MTMR8: variants seen among roughly 807,000 people sequenced by gnomAD.
The protein encoded by MTMR8 is phosphatidylinositol-3,5-bisphosphate 3-phosphatase MTMR8.
Under a neutral mutation model 39.3 loss-of-function variants are expected in MTMR8, and 65 were observed. That is an observed-to-expected ratio of 1.65 (90% CI 1.35 to 2.03). The LOEUF is 2.03. Ranked by LOEUF, MTMR8 falls within the 30% of genes most tolerant of loss-of-function variation. The probability of loss-of-function intolerance (pLI) is 0.00; values close to 1 mark genes in which losing one functional copy is unlikely to be tolerated. For missense variants in MTMR8, 777 were observed against 538.9 expected (o/e 1.44, Z -4.37); for synonymous variants, 245 against 185.2 (o/e 1.32, Z -2.62).
At position 64,268,877 on chromosome X, in the gene MTMR8, C is replaced by G; in HGVS notation, c.1775G>C (p.Gly592Ala). ...LMENGTLSRE[G>A]GLRAQMDQVK... Reference sequence around the variant, plus strand: ...TTGATCCATCTGAGCTCGGAGGCCTCCTTCCCTGGATAGGGTGCCATTCTC... The same window carrying G: ...TTGATCCATCTGAGCTCGGAGGCCTGCTTCCCTGGATAGGGTGCCATTCTC... Residue 592 changes from glycine to alanine, a missense_variant, in exon 14 of 14, where the codon GGA becomes GCA. Gly to Ala is a moderately conservative substitution (Grantham distance 60). Transcript: ENST00000374852. 2 of 1,211,696 alleles carry G rather than the reference C, an allele frequency of 1.7e-6. No homozygotes were observed. The highest frequency in any genetic ancestry group is 2.2e-6 in the Non-Finnish European group (2 of 895,512).
chrX:64,330,875 TA>T (rs2147221053), intron 11 of MTMR8, among the ~76,000 whole-genome samples: 1 of 111,645 alleles, frequency 9.0e-6, no homozygotes, highest in East Asian at 2.8e-4. Flanking sequence ...CATCCTAAAA[TA>T]ACTGGATTTT....
chrX:64,322,659 G>A (rs929100622), intron 12 of MTMR8, among the ~76,000 whole-genome samples: 2 of 112,313 alleles, frequency 1.8e-5, no homozygotes, highest in Admixed American at 1.9e-4. Context: ...CAGCTAGCAT[G>A]TATCCTGCTC....
At chrX:64,307,971 AAT>A (rs1922173939) in intron 12 of MTMR8, among the ~76,000 whole-genome samples, 1 of 111,611 alleles carries the variant, frequency 9.0e-6, no homozygotes, top group African/African-American at 3.3e-5. Context: ...TTTTTATTTC[AAT>A]GTCTGTATGT....
intron 1 of MTMR8, among the ~76,000 whole-genome samples, chrX:64,367,889 G>T (rs1265108277): frequency 8.9e-6 from 1 of 112,026 alleles, no homozygotes; most frequent in South Asian, 3.7e-4. Context: ...ATCTCATTAA[G>T]CTGATAGGCA....
intron 6 of MTMR8, among the ~76,000 whole-genome samples, chrX:64,348,012 T>C (rs906282650): frequency 8.9e-6 from 1 of 112,162 alleles, no homozygotes; most frequent in Non-Finnish European, 1.9e-5. Flanking sequence ...GGTCTATCCA[T>C]GTCCACTGCC....
chrX:64,323,980 A>G (rs1292731148), intron 12 of MTMR8, among the ~76,000 whole-genome samples: 1 of 112,929 alleles, frequency 8.9e-6, no homozygotes, highest in Non-Finnish European at 1.9e-5. Flanking sequence ...TCACAAATAA[A>G]AACCTAACAA....
rs1923704817 is a variant in MTMR8, at chrX:64,359,030, A to G, written c.147+375T>C. 6.3e-5 allele frequency among the ~76,000 whole-genome samples: 7 copies of G among 111,316 alleles called. No homozygotes were observed. The South Asian group carries it at 2.6e-3, about 42-fold the overall frequency. On this transcript the variant is annotated intron_variant, in intron 2 of 13. Transcript: ENST00000374852. Reference sequence around the variant, plus strand: ...CTTAGGCTTGAGATTTTGCATTTTTATCAAGTTCCCATACGCTACAGATGC... The same window carrying G: ...CTTAGGCTTGAGATTTTGCATTTTTGTCAAGTTCCCATACGCTACAGATGC...
At chrX:64,394,971 G>T (rs1275510816) in intron 1 of MTMR8, among the ~76,000 whole-genome samples, 2 of 112,357 alleles carry the variant, frequency 1.8e-5, no homozygotes, top group African/African-American at 6.5e-5. Flanking sequence ...AGCAATGTGG[G>T]GTATTCGCGA....
intron 1 of MTMR8, among the ~76,000 whole-genome samples, chrX:64,361,608 GA>G (rs1364070408): frequency 9.0e-6 from 1 of 110,760 alleles, no homozygotes; most frequent in Non-Finnish European, 1.9e-5. Context: ...TACAGAAAAA[GA>G]AGTATTTAAT....
chrX:64,366,731 G>C (rs181129693), intron 1 of MTMR8, among the ~76,000 whole-genome samples: 22 of 111,378 alleles, frequency 2.0e-4, no homozygotes. Flanking sequence ...TCAAAAGCTA[G>C]CAGAAGGCAA....
At chrX:64,325,424 A>T (rs1922764471) in intron 12 of MTMR8, among the ~76,000 whole-genome samples, 1 of 111,902 alleles carries the variant, frequency 8.9e-6, no homozygotes, top group African/African-American at 3.2e-5. Context: ...TCAATAGCAC[A>T]TTAAAAAGAT....
At chrX:64,348,525 G>GTCAGAC in intron 6 of MTMR8, 135 bp downstream of exon 6, 1 of 830,782 alleles carries the variant, frequency 1.2e-6, no homozygotes, top group Non-Finnish European at 1.7e-6. Context: ...TTCCTGAAAT[G>GTCAGAC]ATTTTACACA....
chrX:64,386,735 C>A (rs1457672170), intron 1 of MTMR8, among the ~76,000 whole-genome samples: 4 of 111,663 alleles, frequency 3.6e-5, no homozygotes, highest in Admixed American at 9.5e-5. Flanking sequence ...AGCATGTCAT[C>A]ATTTCAGCCA....
intron 1 of MTMR8, among the ~76,000 whole-genome samples, chrX:64,378,099 G>A (rs1332734336): frequency 8.9e-6 from 1 of 111,939 alleles, no homozygotes; most frequent in Admixed American, 9.5e-5. Context: ...CTGTGGATCT[G>A]TGAGTCAATT....
At chrX:64,307,474 C>T (rs915210580) in intron 12 of MTMR8, among the ~76,000 whole-genome samples, 1 of 111,656 alleles carries the variant, frequency 9.0e-6, no homozygotes, top group African/African-American at 3.3e-5. Context: ...TATCCTTCCC[C>T]CATTTAATTA....
chrX:64,385,348 C>T (rs1924531027), intron 1 of MTMR8, among the ~76,000 whole-genome samples: 1 of 111,880 alleles, frequency 8.9e-6, no homozygotes, highest in Non-Finnish European at 1.9e-5. Context: ...CCCTCATCTT[C>T]CTGTCTTCCT....
At chrX:64,384,359 A>G (rs1209140611) in intron 1 of MTMR8, among the ~76,000 whole-genome samples, 1 of 111,237 alleles carries the variant, frequency 9.0e-6, no homozygotes, top group Non-Finnish European at 1.9e-5. Flanking sequence ...TGTGGTCTAG[A>G]GGGTGGTGGC....
intron 1 of MTMR8, among the ~76,000 whole-genome samples, chrX:64,383,739 C>T (rs1265090514): frequency 3.6e-5 from 4 of 110,837 alleles, no homozygotes; most frequent in Non-Finnish European, 7.6e-5. Flanking sequence ...AGATGCACCC[C>T]CATCATCCAA....
chrX:64,380,441 T>G (rs1262231770), intron 1 of MTMR8, among the ~76,000 whole-genome samples: 1 of 112,763 alleles, frequency 8.9e-6, no homozygotes, highest in South Asian at 3.6e-4. Context: ...GTTAACTTAA[T>G]TGGCCTGAGG....
Sources: gnomAD v4.1 joint callset for allele counts (sites outside exome capture counted in the v4.1 genomes callset) on GRCh38, gnomAD v4.1.1 for gene constraint, MANE v1.5 for transcripts, NCBI Gene and HGNC (gene_info 2026-07-23, HGNC 2026-07-21) for gene names.